Variants in DHRS7B observed in about 807,000 individuals in gnomAD.
DHRS7B encodes the protein peroxisomal reductase activating PPAR-gamma.
DHRS7B carries 24 observed loss-of-function variants against 26.4 expected under a neutral mutation model. That is an observed-to-expected ratio of 0.91 (90% confidence interval 0.66 to 1.28). The LOEUF is 1.28. Ranked by LOEUF, DHRS7B falls within the 50% of genes most tolerant of loss-of-function variation. The pLI is 0.00. For missense variants in DHRS7B, 368 were observed against 419.4 expected (o/e 0.88, Z 1.07); for synonymous variants, 142 against 166.4 (o/e 0.85, Z 1.13).
rs1418330335 is a variant in DHRS7B, at chr17:21,191,017, GGAA to G, written c.852_854del (p.Lys285del). The G allele has an allele frequency of 1.5e-5, 25 of 1,614,266 alleles. No homozygotes were observed. Among genetic ancestry groups the G allele is most frequent in the South Asian group, 1.4e-4 (13 of 91,086 alleles). ...GCCCAGGATGTTCTTGCTGCTGTGGGGAAGAAGAAGAAAGATGTGATCCTGGCT... is the reference window on the plus strand; with the variant it reads ...GCCCAGGATGTTCTTGCTGCTGTGGGGAAGAAGAAAGATGTGATCCTGGCT... On this transcript the variant is annotated inframe_deletion, in exon 7 of 7. Transcript: ENST00000395511.
At chr17:21,141,490 G>C (rs1174293712) in intron 1 of DHRS7B, among the ~76,000 whole-genome samples, 1 of 151,842 alleles carries the variant, frequency 6.6e-6, no homozygotes, top group African/African-American at 2.4e-5. Context: ...ATCACTGAGC[G>C]CTCCAATGGT....
intron 1 of DHRS7B, among the ~76,000 whole-genome samples, chr17:21,159,015 A>G (rs2144044625): frequency 6.6e-6 from 1 of 152,282 alleles, no homozygotes; most frequent in African/African-American, 2.4e-5. Context: ...GTTAACTCAA[A>G]ATGGATCATA....
At chr17:21,143,248 A>G (rs558702710) in intron 1 of DHRS7B, among the ~76,000 whole-genome samples, 2 of 152,218 alleles carry the variant, frequency 1.3e-5, no homozygotes, top group Admixed American at 1.3e-4. Flanking sequence ...TTTTTAGTAG[A>G]GATGGGGTTT....
chr17:21,185,122 T>C (rs1044575499), intron 5 of DHRS7B, among the ~76,000 whole-genome samples: 1 of 152,170 alleles, frequency 6.6e-6, no homozygotes, highest in African/African-American at 2.4e-5. Context: ...TTCTCAAATA[T>C]TTATATCTCT....
intron 1 of DHRS7B, chr17:21,166,126 G>GC (rs928966053): frequency 3.3e-5 from 32 of 984,556 alleles, no homozygotes; most frequent in Middle Eastern, 5.2e-4. Flanking sequence ...ACCTTTCTCC[G>GC]CCCCCCCTCA....
chr17:21,140,019 A>ATTTTTT lies in DHRS7B; in HGVS notation c.20+13030_20+13031insTTTTTT, dbSNP rs1188887493. Reference sequence around the variant, plus strand: ...CTTTTTTTTCCTATCAGACTTTCAGATTCTTTTTTTTTTTTTTTTTTTTGA... The same window carrying ATTTTTT: ...CTTTTTTTTCCTATCAGACTTTCAGATTTTTTTTCTTTTTTTTTTTTTTTTTTTTGA... On this transcript the variant is annotated intron_variant, in intron 1 of 6. Transcript: ENST00000395511. Among the ~76,000 whole-genome samples the ATTTTTT allele has an allele frequency of 6.0e-4, 36 of 60,374 alleles. 1 individual carries two copies. The highest frequency in any genetic ancestry group is 1.9e-3 in the South Asian group (3 of 1,566). The allele number at this position is 60,374 out of a possible 152,430, so 39.6% of individuals were successfully genotyped here. A position where few individuals can be genotyped will look rare whatever the true frequency, so the allele number is the denominator to read the frequency against.
At chr17:21,129,639 C>T (rs932644663) in intron 1 of DHRS7B, among the ~76,000 whole-genome samples, 6 of 140,564 alleles carry the variant, frequency 4.3e-5, no homozygotes, top group African/African-American at 5.3e-5. Flanking sequence ...CAGGAGTTTG[C>T]GGCTACAGTA....
chr17:21,176,072 A>T lies in DHRS7B; in HGVS notation c.200-2161A>T, dbSNP rs922677306. Among the ~76,000 whole-genome samples the T allele has an allele frequency of 5.3e-5, 8 of 152,026 alleles. 1 individual carries two copies. Among genetic ancestry groups the T allele is most frequent in the African/African-American group, 1.9e-4 (8 of 41,434 alleles). ...GAGTACAGTGGTGTGATCATGGCTC[A>T]CTTGACTTCCCAGGCTCAAGGGATC... is the stretch of plus-strand genomic sequence containing the variant. On this transcript the variant is annotated intron_variant, in intron 2 of 6. Coordinates refer to ENST00000395511, the MANE Select transcript of DHRS7B (RefSeq NM_015510.5).
intron 4 of DHRS7B, 138 bp from the exon 5 acceptor site, chr17:21,184,233 C>T: frequency 1.4e-6 from 1 of 724,024 alleles, no homozygotes. Context: ...GAAGTTCCAA[C>T]ATAGTCCTCT....
intron 1 of DHRS7B, among the ~76,000 whole-genome samples, chr17:21,169,206 G>A (rs1974181492): frequency 6.6e-6 from 1 of 152,148 alleles, no homozygotes; most frequent in Non-Finnish European, 1.5e-5. Context: ...AAACTGAAAG[G>A]TTTATGAAAA....
At chr17:21,141,260 C>G (rs1460876342) in intron 1 of DHRS7B, among the ~76,000 whole-genome samples, 1 of 152,114 alleles carries the variant, frequency 6.6e-6, no homozygotes, top group East Asian at 1.9e-4. Flanking sequence ...CACCCTTTTT[C>G]TTCTCAACTG....
intron 1 of DHRS7B, among the ~76,000 whole-genome samples, chr17:21,159,399 C>T (rs929037610): frequency 7.0e-6 from 1 of 142,350 alleles, no homozygotes; most frequent in Non-Finnish European, 1.5e-5. Flanking sequence ...AGGAGTGCAC[C>T]ACCACGCCCG....
intron 1 of DHRS7B, among the ~76,000 whole-genome samples, chr17:21,150,126 A>AAAAAAC (rs1973736234): frequency 7.0e-6 from 1 of 143,750 alleles, no homozygotes; most frequent in African/African-American, 2.5e-5. Flanking sequence ...AAAAAAAAAA[A>AAAAAAC]AAAAAACTAA....
intron 1 of DHRS7B, among the ~76,000 whole-genome samples, chr17:21,131,326 G>C (rs949227480): frequency 2.6e-5 from 4 of 152,172 alleles, no homozygotes; most frequent in African/African-American, 9.7e-5. Context: ...GAAAGGGGTG[G>C]GTAATTCCCG....
intron 6 of DHRS7B, among the ~76,000 whole-genome samples, chr17:21,189,789 A>C (rs1053380431): frequency 3.3e-5 from 5 of 152,242 alleles, no homozygotes; most frequent in African/African-American, 1.2e-4. Flanking sequence ...ATAAGCTGTA[A>C]TCCAAAACTT....
At chr17:21,188,125 C>A (rs951945199) in intron 5 of DHRS7B, among the ~76,000 whole-genome samples, 1 of 152,154 alleles carries the variant, frequency 6.6e-6, no homozygotes, top group East Asian at 1.9e-4. Flanking sequence ...GCTGGGATTA[C>A]AGGTGTGAGC....
intron 2 of DHRS7B, among the ~76,000 whole-genome samples, chr17:21,176,251 A>G (rs9807092): frequency 1 from 152,116 of 152,118 alleles, 76,057 homozygotes; most frequent in Non-Finnish European, 1. Context: ...GCTTCCCATA[A>G]TGCTGAGATT....
chr17:21,139,153 A>G (rs1973433456), intron 1 of DHRS7B, among the ~76,000 whole-genome samples: 1 of 152,242 alleles, frequency 6.6e-6, no homozygotes, highest in South Asian at 2.1e-4. Flanking sequence ...TCCTTTCCCA[A>G]AAGAAACCTC....
At chr17:21,184,046 C>G (rs1974574543) in intron 4 of DHRS7B, among the ~76,000 whole-genome samples, 2 of 152,288 alleles carry the variant, frequency 1.3e-5, no homozygotes, top group East Asian at 3.9e-4. Flanking sequence ...ATGGTGCCTG[C>G]AAACCCCTAC....
Sources: gnomAD v4.1 joint callset for allele counts (sites outside exome capture counted in the v4.1 genomes callset) on GRCh38, gnomAD v4.1.1 for gene constraint, MANE v1.5 for transcripts, NCBI Gene and HGNC (gene_info 2026-07-23, HGNC 2026-07-21) for gene names.